The following KCNMA1 variants were observed in gnomAD, a reference collection of about 807,000 sequenced individuals.
KCNMA1 encodes the protein potassium calcium-activated channel subfamily M alpha 1.
A neutral mutation model predicts 140.0 loss-of-function variants in KCNMA1; 29 were observed. That is an observed-to-expected ratio of 0.21 (90% CI 0.15 to 0.28). KCNMA1 has a LOEUF of 0.28. Ranked by LOEUF, KCNMA1 falls within the 10% of genes least tolerant of loss-of-function variation. KCNMA1 has a pLI of 1.00. For missense variants in KCNMA1, 880 were observed against 1,602.2 expected (o/e 0.55, Z 7.70); for synonymous variants, 612 against 611.9 (o/e 1.00, Z 0.00).
At position 77,095,306 on chromosome 10, in the gene KCNMA1, C is replaced by T. The variant is rs189541111; in HGVS notation, c.1224-4796G>A. Among the ~76,000 whole-genome samples, 46 of 152,292 alleles carry T rather than the reference C, an allele frequency of 3.0e-4. No homozygotes were observed. In the East Asian group the frequency reaches 8.7e-3, roughly 29 times the overall value. Reference sequence around the variant, plus strand: ...TTGGTTTTAAATGCTAGGTCTGGATCTGTAAACAAATATTTCTTGGGCAAA... The same window carrying T: ...TTGGTTTTAAATGCTAGGTCTGGATTTGTAAACAAATATTTCTTGGGCAAA... On this transcript the variant is annotated intron_variant, in intron 9 of 27. Coordinates refer to ENST00000286628, the MANE Select transcript of KCNMA1 (RefSeq NM_001161352.2).
chr10:77,166,533 G>A (rs1387265735), intron 5 of KCNMA1, among the ~76,000 whole-genome samples: 1 of 151,938 alleles, frequency 6.6e-6, no homozygotes, highest in Non-Finnish European at 1.5e-5. Flanking sequence ...AGTCGCTATG[G>A]CCAAAAATGA....
At chr10:77,160,518 T>C (rs905604124) in intron 5 of KCNMA1, among the ~76,000 whole-genome samples, 1 of 152,182 alleles carries the variant, frequency 6.6e-6, no homozygotes, top group Non-Finnish European at 1.5e-5. Flanking sequence ...TGGCGTGCAC[T>C]GAGGGAGCAG....
intron 2 of KCNMA1, among the ~76,000 whole-genome samples, chr10:77,384,576 G>T (rs540167981): frequency 1.3e-5 from 2 of 152,214 alleles, no homozygotes; most frequent in Non-Finnish European, 2.9e-5. Flanking sequence ...ATACCCAAAA[G>T]AGAAGAAAAT....
At chr10:77,313,483 A>C (rs1470009940) in intron 2 of KCNMA1, among the ~76,000 whole-genome samples, 1 of 152,140 alleles carries the variant, frequency 6.6e-6, no homozygotes, top group East Asian at 1.9e-4. Flanking sequence ...TATTTACTGA[A>C]GGATGTGAAA....
At chr10:77,232,844 A>G (rs1249580580) in intron 3 of KCNMA1, among the ~76,000 whole-genome samples, 1 of 149,862 alleles carries the variant, frequency 6.7e-6, no homozygotes, top group Non-Finnish European at 1.5e-5. Context: ...GAAGAGTCCA[A>G]TTTTATTATT....
intron 12 of KCNMA1, among the ~76,000 whole-genome samples, chr10:77,082,814 C>T (rs556655082): frequency 5.9e-5 from 9 of 152,154 alleles, no homozygotes; most frequent in East Asian, 3.9e-4. Flanking sequence ...AATGACCTCA[C>T]TAAGCATATT....
At chr10:77,267,193 A>G (rs1031298914) in intron 2 of KCNMA1, among the ~76,000 whole-genome samples, 1 of 152,152 alleles carries the variant, frequency 6.6e-6, no homozygotes, top group Non-Finnish European at 1.5e-5. Context: ...TTGTTGAGTG[A>G]CTGGATGGAC....
chr10:77,470,286 C>T (rs906081829), intron 1 of KCNMA1, among the ~76,000 whole-genome samples: 58 of 152,130 alleles, frequency 3.8e-4, no homozygotes, highest in Admixed American at 2.0e-4. Flanking sequence ...GCTGCTTAAA[C>T]GGTGCCACAG....
intron 3 of KCNMA1, among the ~76,000 whole-genome samples, chr10:77,198,445 T>C (rs2041348738): frequency 1.3e-5 from 2 of 151,992 alleles, no homozygotes; most frequent in Non-Finnish European, 2.9e-5. Context: ...TCAGCATGAA[T>C]GACAGGTGAA....
intron 23 of KCNMA1, among the ~76,000 whole-genome samples, chr10:76,937,698 G>C (rs1245385531): frequency 6.6e-6 from 1 of 152,130 alleles, no homozygotes; most frequent in East Asian, 1.9e-4. Flanking sequence ...CAGACTTTAG[G>C]ATAGGGAAGG....
At chr10:76,884,686 A>C, downstream of KCNMA1, 1 of 297,726 alleles carries the variant, frequency 3.4e-6, no homozygotes, top group Non-Finnish European at 6.1e-6. Flanking sequence ...ACACCAAAAC[A>C]AACTCTAAGG....
chr10:77,228,648 CA>C (rs1249988452), intron 3 of KCNMA1, among the ~76,000 whole-genome samples: 1 of 152,186 alleles, frequency 6.6e-6, no homozygotes. Flanking sequence ...AATTTGAAGG[CA>C]CATAAAATTA....
At chr10:77,557,645 ATT>A (rs148296325) in intron 1 of KCNMA1, among the ~76,000 whole-genome samples, 20,621 of 131,442 alleles carry the variant, frequency 0.16, 1,346 homozygotes, top group Middle Eastern at 0.23. Context: ...CCAGGAAGTG[ATT>A]TTTTTTTTTT....
chr10:77,118,533 T>C (rs1017911502), intron 6 of KCNMA1, among the ~76,000 whole-genome samples: 5 of 152,210 alleles, frequency 3.3e-5, no homozygotes, highest in African/African-American at 9.7e-5. Flanking sequence ...AGTGCAGAAT[T>C]ACCCAAAGTT....
intron 2 of KCNMA1, among the ~76,000 whole-genome samples, chr10:77,361,550 A>C (rs1221282049): frequency 4.6e-5 from 7 of 152,238 alleles, no homozygotes; most frequent in African/African-American, 1.7e-4. Context: ...GGAACTAATG[A>C]GATTCAGAGA....
At chr10:77,580,501 G>A (rs943250098) in intron 1 of KCNMA1, among the ~76,000 whole-genome samples, 11 of 152,056 alleles carry the variant, frequency 7.2e-5, no homozygotes, top group South Asian at 2.1e-4. Context: ...AAAAATGAAC[G>A]CATCAAAAAC....
Position 77,532,879 on chromosome 10 carries a change from G to A in KCNMA1, c.378+104386C>T, listed in dbSNP as rs1006842489. Among the ~76,000 whole-genome samples the A allele has an allele frequency of 1.6e-4, 24 of 152,204 alleles. 1 individual carries two copies. The highest frequency in any genetic ancestry group is 2.6e-4 in the Admixed American group (4 of 15,294). On this transcript the variant is annotated intron_variant, in intron 1 of 27. Coordinates refer to ENST00000286628, the MANE Select transcript of KCNMA1 (RefSeq NM_001161352.2). The stretch of plus-strand genomic sequence containing the variant: ...CTATGAGAGACTAACTTCTGAGTCC[G>A]GGCTATCCTGATGATACTGACAGGG...
intron 23 of KCNMA1, among the ~76,000 whole-genome samples, chr10:76,937,431 A>G (rs1039917991): frequency 4.9e-4 from 75 of 152,338 alleles, no homozygotes; most frequent in African/African-American, 1.8e-3. Context: ...CAAAGATGAA[A>G]CAGTCACTGC....
chr10:77,187,636 A>G (rs975165753), intron 3 of KCNMA1, among the ~76,000 whole-genome samples: 1 of 152,206 alleles, frequency 6.6e-6, no homozygotes, highest in African/African-American at 2.4e-5. Context: ...AGCATACCTC[A>G]ATAATATGAG....
Sources: allele counts gnomAD v4.1 joint callset (sites outside exome capture counted in the v4.1 genomes callset), GRCh38; gene constraint gnomAD v4.1.1; transcripts MANE v1.5; gene names NCBI Gene and HGNC (gene_info 2026-07-23, HGNC 2026-07-21).